The following THSD4 variants were observed in gnomAD, a reference collection of about 807,000 sequenced individuals.
THSD4 encodes the protein thrombospondin type-1 domain-containing protein 4.
A neutral mutation model predicts 119.0 loss-of-function variants in THSD4; 69 were observed. That is an observed-to-expected ratio of 0.58 (90% confidence interval 0.48 to 0.71). THSD4 has a LOEUF of 0.71. Ranked by LOEUF, THSD4 falls within the 30% of genes least tolerant of loss-of-function variation. The pLI, the probability that THSD4 is intolerant of heterozygous loss-of-function variation, is 0.00. For missense variants in THSD4, 1,393 were observed against 1,391.1 expected (o/e 1.00, Z -0.02); for synonymous variants, 524 against 540.4 (o/e 0.97, Z 0.42).
intron 7 of THSD4, among the ~76,000 whole-genome samples, chr15:71,507,095 CAT>C (rs1301305356): frequency 6.6e-6 from 1 of 152,212 alleles, no homozygotes; most frequent in Non-Finnish European, 1.5e-5. Flanking sequence ...TAAAATGAGA[CAT>C]GAGCACATGC....
At chr15:71,754,891 A>G (rs993097752) in intron 14 of THSD4, among the ~76,000 whole-genome samples, 1 of 152,232 alleles carries the variant, frequency 6.6e-6, no homozygotes, top group Non-Finnish European at 1.5e-5. Flanking sequence ...GTGATTAGAC[A>G]AAGGAAAGGG....
intron 7 of THSD4, among the ~76,000 whole-genome samples, chr15:71,485,750 A>G (rs1189560433): frequency 6.6e-6 from 1 of 152,142 alleles, no homozygotes; most frequent in Non-Finnish European, 1.5e-5. Flanking sequence ...TCATTGAATG[A>G]CAAATATTTA....
chr15:71,670,342 G>C (rs1030853121), intron 8 of THSD4, among the ~76,000 whole-genome samples: 2 of 151,808 alleles, frequency 1.3e-5, no homozygotes. Context: ...TTGGTTTTCT[G>C]TCCTGGCAAT....
chr15:71,375,877 A>G (rs1455142560), intron 6 of THSD4, among the ~76,000 whole-genome samples: 1 of 152,204 alleles, frequency 6.6e-6, no homozygotes, highest in Non-Finnish European at 1.5e-5. Context: ...CTGGGTTTTA[A>G]TAAACCCTCC....
At chr15:71,328,623 G>T (rs1279099854) in intron 6 of THSD4, among the ~76,000 whole-genome samples, 2 of 152,128 alleles carry the variant, frequency 1.3e-5, no homozygotes, top group African/African-American at 4.8e-5. Flanking sequence ...TTGCTGAATT[G>T]TTTCAGTTGG....
intron 11 of THSD4, among the ~76,000 whole-genome samples, chr15:71,743,178 A>T (rs2053269193): frequency 1.3e-5 from 2 of 152,068 alleles, no homozygotes; most frequent in Non-Finnish European, 2.9e-5. Context: ...TAAAATGTCA[A>T]GGGAAGACAA....
intron 7 of THSD4, among the ~76,000 whole-genome samples, chr15:71,640,019 A>G (rs1246205668): frequency 6.6e-6 from 1 of 152,174 alleles, no homozygotes; most frequent in African/African-American, 2.4e-5. Flanking sequence ...ACTGCTCATT[A>G]GCCACCAAAA....
intron 6 of THSD4, among the ~76,000 whole-genome samples, chr15:71,273,385 G>A (rs1479324901): frequency 6.6e-6 from 1 of 152,194 alleles, no homozygotes; most frequent in African/African-American, 2.4e-5. Context: ...CAGAGGCTGA[G>A]GAGGGAGGGA....
At chr15:71,267,184 A>G (rs1400295951) in intron 6 of THSD4, among the ~76,000 whole-genome samples, 2 of 152,202 alleles carry the variant, frequency 1.3e-5, no homozygotes, top group East Asian at 1.9e-4. Context: ...CGTTGAAATG[A>G]AGGAAAAAAT....
intron 6 of THSD4, among the ~76,000 whole-genome samples, chr15:71,374,152 C>G (rs1325951717): frequency 2.0e-5 from 3 of 152,232 alleles, no homozygotes; most frequent in African/African-American, 7.2e-5. Flanking sequence ...GTGCTCAGTA[C>G]TACAGTCCTT....
At chr15:71,349,039 T>C (rs2045707395) in intron 6 of THSD4, among the ~76,000 whole-genome samples, 2 of 152,242 alleles carry the variant, frequency 1.3e-5, no homozygotes, top group Non-Finnish European at 2.9e-5. Flanking sequence ...TTCCTATCTG[T>C]GTTCACAAGT....
intron 6 of THSD4, among the ~76,000 whole-genome samples, chr15:71,278,012 T>C (rs2044611379): frequency 6.6e-6 from 1 of 152,236 alleles, no homozygotes; most frequent in Non-Finnish European, 1.5e-5. Flanking sequence ...GATTTCCAAA[T>C]ATAAAAATAC....
Position 71,541,927 on chromosome 15 carries a change from A to G in THSD4, c.1153-118603A>G, listed in dbSNP as rs566234991. 7.9e-5 allele frequency among the ~76,000 whole-genome samples: 12 copies of G among 152,348 alleles called. No homozygotes were observed. In the South Asian group the frequency reaches 1.5e-3, roughly 18 times the overall value. ...AATGAAGTGTGTGTGAACACAAGAC[A>G]GGAGGAGGAGGCTGGAAGGGCAGGA... On this transcript the variant is annotated intron_variant, in intron 7 of 17. Transcript: ENST00000261862.
chr15:71,617,754 C>T (rs974677638), intron 7 of THSD4, among the ~76,000 whole-genome samples: 2 of 152,338 alleles, frequency 1.3e-5, no homozygotes, highest in East Asian at 3.9e-4. Flanking sequence ...ATGGTTTCTC[C>T]ATTCGTGAAT....
chr15:71,723,069 C>T (rs1222260848), intron 8 of THSD4, among the ~76,000 whole-genome samples: 18 of 45,300 alleles, frequency 4.0e-4, no homozygotes, highest in Middle Eastern at 0.029. Context: ...GACATTTAGG[C>T]TAGTTTTTTT....
chr15:71,437,803 G>A (rs2047034101), intron 7 of THSD4, among the ~76,000 whole-genome samples: 1 of 152,204 alleles, frequency 6.6e-6, no homozygotes. Context: ...CTCCGAAGTG[G>A]TTGAAACAAC....
At chr15:71,186,160 A>G (rs1023192206) in intron 3 of THSD4, 1 of 152,198 alleles carries the variant, frequency 6.6e-6, no homozygotes, top group African/African-American at 2.4e-5. Flanking sequence ...ACAATTTTGT[A>G]ATTAATAAGT....
intron 6 of THSD4, among the ~76,000 whole-genome samples, chr15:71,370,312 G>A (rs1013388683): frequency 1.3e-5 from 2 of 151,900 alleles, no homozygotes; most frequent in African/African-American, 4.8e-5. Context: ...GTTATTTCTT[G>A]CCTTCTGCTA....
Position 71,771,192 on chromosome 15 carries a change from C to G in THSD4, c.2898C>G (p.Asp966Glu), listed in dbSNP as rs1324042312. The G allele has an allele frequency of 1.2e-6, 2 of 1,613,846 alleles. No individual in the cohort carries two copies. The highest frequency in any genetic ancestry group is 1.7e-6 in the Non-Finnish European group (2 of 1,180,004). The change falls in exon 17 of 18, where the codon GAC becomes GAG. Residue 966 changes from aspartate (D) to glutamate (E), a missense_variant. Physicochemically the swap from Asp to Glu is conservative, Grantham distance 45. Coordinates refer to ENST00000261862, the MANE Select transcript of THSD4 (RefSeq NM_024817.3). ...PEERESCNPQ[D>E]CVPEVDENCK... Reference sequence around the variant, plus strand: ...AGAGAGAATCTTGTAACCCTCAGGACTGTGTCCCTGAAGTTGGTAAGTAGA... The same window carrying G: ...AGAGAGAATCTTGTAACCCTCAGGAGTGTGTCCCTGAAGTTGGTAAGTAGA...
Sources: gnomAD v4.1 joint callset for allele counts (sites outside exome capture counted in the v4.1 genomes callset) on GRCh38, gnomAD v4.1.1 for gene constraint, MANE v1.5 for transcripts, NCBI Gene and HGNC (gene_info 2026-07-23, HGNC 2026-07-21) for gene names.